GPR161: variants seen among roughly 807,000 people sequenced by gnomAD.
GPR161 encodes the protein G-protein coupled receptor RE2.
In GPR161, 25 loss-of-function variants were observed where a neutral mutation model predicts 39.2. The observed-to-expected ratio is 0.64, with a 90% CI of 0.47 to 0.89. The LOEUF (loss-of-function observed/expected upper bound fraction) is 0.89, where lower values mean the gene tolerates loss of function less well. Among genes scored for constraint, GPR161 ranks in the 40% least tolerant of loss-of-function variants. The pLI is 0.00. For synonymous variants in GPR161, 286 were observed against 276.6 expected (o/e 1.03, Z -0.34); for missense variants, 547 against 677.8 (o/e 0.81, Z 2.14).
intron 1 of GPR161, among the ~76,000 whole-genome samples, chr1:168,106,778 A>G (rs940108941): frequency 6.6e-6 from 1 of 152,202 alleles, no homozygotes; most frequent in African/African-American, 2.4e-5. Context: ...ATTTTGGCCC[A>G]TATTTCCAGG....
intron 1 of GPR161, chr1:168,136,279 G>A (rs1324884692): frequency 2.1e-6 from 3 of 1,446,314 alleles, no homozygotes; most frequent in Non-Finnish European, 1.8e-6. Flanking sequence ...GATTCCAGCC[G>A]AGGGGCGTGA....
chr1:168,116,419 T>C (rs1183610729), intron 1 of GPR161, among the ~76,000 whole-genome samples: 1 of 152,188 alleles, frequency 6.6e-6, no homozygotes, highest in Admixed American at 6.5e-5. Flanking sequence ...AGGGCCCCTT[T>C]ATCTCAGCAC....
Position 168,096,893 on chromosome 1 carries a change from C to G in GPR161, c.714G>C (p.Gly238=), listed in dbSNP as rs141917309. 6.2e-7 allele frequency: 1 copy of G among 1,614,160 alleles called. No individual in the cohort carries two copies. Among genetic ancestry groups the G allele is most frequent in the Non-Finnish European group, 8.5e-7 (1 of 1,180,028 alleles). ...VIVEEDAQRT[G]RKNSSTSTSS... The stretch of plus-strand genomic sequence containing the variant: ...AGGTGGAGGTGCTGGAGTTCTTCCT[C>G]CCGGTCCTCTGAGCATCCTCCTCCA... Residue 238 remains glycine, a synonymous_variant, in exon 3 of 6, where the codon GGG becomes GGC. Coordinates refer to ENST00000682931, the MANE Select transcript of GPR161 (RefSeq NM_001375883.1).
chr1:168,119,270 GTATA>G lies in GPR161; in HGVS notation c.-44-14380_-44-14377del, dbSNP rs142792333. 2.8e-4 allele frequency among the ~76,000 whole-genome samples: 30 copies of G among 108,206 alleles called. 3 individuals carry two copies. The highest frequency in any genetic ancestry group is 4.2e-4 in the Non-Finnish European group (23 of 54,682). 71.0% of individuals were successfully genotyped at this position (108,206 alleles called of 152,430 possible). ...CATATATATATACGTATATATATGTGTATATATATATATATATACACATATATAC... is the reference window on the plus strand; with the variant it reads ...CATATATATATACGTATATATATGTGTATATATATATATACACATATATAC... On this transcript the variant is annotated intron_variant, in intron 1 of 5. Transcript: ENST00000682931.
At chr1:168,125,117 C>T (rs1028883301) in intron 1 of GPR161, among the ~76,000 whole-genome samples, 40 of 152,188 alleles carry the variant, frequency 2.6e-4, no homozygotes, top group African/African-American at 8.7e-4. Context: ...TTTCAACTTT[C>T]AGCTGCCCCC....
At position 168,079,894 on chromosome 1, in the gene GPR161, G is replaced by T. The variant is rs1353514454; in HGVS notation, c.*5637C>A. 1 of 152,080 alleles carries T rather than the reference G, an allele frequency of 6.6e-6. No homozygotes were observed. The highest frequency in any genetic ancestry group is 1.5e-5 in the Non-Finnish European group (1 of 68,028). 9.4% of individuals were successfully genotyped at this position (152,080 alleles called of 1,614,324 possible). A position where few individuals can be genotyped will look rare whatever the true frequency, so the allele number is the denominator to read the frequency against. On this transcript the variant is annotated 3_prime_UTR_variant, in exon 6 of 6. Coordinates refer to ENST00000682931, the MANE Select transcript of GPR161 (RefSeq NM_001375883.1). Reference sequence around the variant, plus strand: ...AGGACTGACTCACCTGTGATTTGTGGTATTTCAAACTAGTGAAAAAAGGAA... The same window carrying T: ...AGGACTGACTCACCTGTGATTTGTGTTATTTCAAACTAGTGAAAAAAGGAA...
At chr1:168,130,132 T>C (rs938636772) in intron 1 of GPR161, among the ~76,000 whole-genome samples, 2 of 152,348 alleles carry the variant, frequency 1.3e-5, no homozygotes, top group East Asian at 3.9e-4. Flanking sequence ...TTTTCCAAGA[T>C]GCCCTCTGGG....
At chr1:168,106,612 T>A (rs1696650531) in intron 1 of GPR161, among the ~76,000 whole-genome samples, 1 of 152,164 alleles carries the variant, frequency 6.6e-6, no homozygotes, top group African/African-American at 2.4e-5. Context: ...AGCAACTAAT[T>A]CTGTTGGGCT....
At chr1:168,112,172 A>C (rs1572336020) in intron 1 of GPR161, among the ~76,000 whole-genome samples, 1 of 152,288 alleles carries the variant, frequency 6.6e-6, no homozygotes, top group South Asian at 2.1e-4. Flanking sequence ...GTAGGGTACA[A>C]GAATCAACTG....
At chr1:168,086,942 C>T (rs1331085824) in intron 5 of GPR161, among the ~76,000 whole-genome samples, 1 of 152,182 alleles carries the variant, frequency 6.6e-6, no homozygotes. Flanking sequence ...CTCCTTACAT[C>T]GGACAGCCCC....
chr1:168,136,025 A>T, intron 1 of GPR161: 1 of 1,231,764 alleles, frequency 8.1e-7, no homozygotes, highest in Non-Finnish European at 1.0e-6. Context: ...AGACGTTCTC[A>T]TCCCATATGC....
At chr1:168,119,617 C>T (rs1027546029) in intron 1 of GPR161, among the ~76,000 whole-genome samples, 2 of 152,218 alleles carry the variant, frequency 1.3e-5, no homozygotes, top group African/African-American at 4.8e-5. Context: ...CTTAATACCA[C>T]TCAACTGTGC....
intron 5 of GPR161, among the ~76,000 whole-genome samples, chr1:168,087,330 T>TGTGG (rs1312811475): frequency 4.7e-5 from 7 of 149,066 alleles, no homozygotes; most frequent in Non-Finnish European, 1.0e-4. Context: ...TGTAAACACG[T>TGTGG]GTGGGTGTGT....
At position 168,087,736 on chromosome 1, in the gene GPR161, C is replaced by T. The variant is rs1290329517; in HGVS notation, c.1205-32G>A. 5 of 1,582,282 alleles carry T rather than the reference C, an allele frequency of 3.2e-6. No individual in the cohort carries two copies. The South Asian group carries it at 3.5e-5, about 11-fold the overall frequency. Reference sequence around the variant, plus strand: ...CAACGGGCAGATTGTGCATATGTAACTACAATCTAAAGTCCTCCTGGCCTC... The same window carrying T: ...CAACGGGCAGATTGTGCATATGTAATTACAATCTAAAGTCCTCCTGGCCTC... On this transcript the variant is annotated intron_variant, in intron 4 of 5. Coordinates refer to ENST00000682931, the MANE Select transcript of GPR161 (RefSeq NM_001375883.1).
chr1:168,086,025 A>G, intron 5 of GPR161, among the ~76,000 whole-genome samples: 1 of 152,254 alleles, frequency 6.6e-6, no homozygotes, highest in African/African-American at 2.4e-5. Flanking sequence ...TGTAAAGAGA[A>G]GATATTAAGA....
At chr1:168,121,039 C>T (rs1246757818) in intron 1 of GPR161, among the ~76,000 whole-genome samples, 1 of 152,168 alleles carries the variant, frequency 6.6e-6, no homozygotes, top group Non-Finnish European at 1.5e-5. Context: ...TTCTGTTTAA[C>T]TTCTCTGTCC....
intron 3 of GPR161, among the ~76,000 whole-genome samples, chr1:168,093,783 G>A (rs923710082): frequency 1.3e-5 from 2 of 152,236 alleles, no homozygotes; most frequent in African/African-American, 2.4e-5. Context: ...CAAGGCAGAG[G>A]CCAGGGCTCT....
rs566011802 is a variant in GPR161 at position 168,135,758 on chromosome 1, C to A, written c.-45+981G>T. ...CCCTAGGACGCTGAGACAGGCTCAC[C>A]GGAGGTTATCGGTGTCTCCATTGGA... On this transcript the variant is annotated intron_variant, in intron 1 of 5. Coordinates refer to ENST00000682931, the MANE Select transcript of GPR161 (RefSeq NM_001375883.1). Among the ~76,000 whole-genome samples the A allele has an allele frequency of 1.1e-4, 17 of 152,288 alleles. No individual in the cohort carries two copies. In the South Asian group the frequency reaches 3.5e-3, roughly 32 times the overall value.
At chr1:168,113,402 C>T (rs181847900) in intron 1 of GPR161, among the ~76,000 whole-genome samples, 7 of 152,322 alleles carry the variant, frequency 4.6e-5, no homozygotes, top group Non-Finnish European at 8.8e-5. Flanking sequence ...ACTAACTCAT[C>T]CTTGCCACCA....
Sources: allele counts gnomAD v4.1 joint callset (sites outside exome capture counted in the v4.1 genomes callset), GRCh38; gene constraint gnomAD v4.1.1; transcripts MANE v1.5; gene names NCBI Gene and HGNC (gene_info 2026-07-23, HGNC 2026-07-21).